Variants in ERBB2 observed in about 807,000 individuals in gnomAD.
The protein encoded by ERBB2 is erb-b2 receptor tyrosine kinase 2.
ERBB2 carries 61 observed loss-of-function variants against 149.0 expected under a neutral mutation model. The observed-to-expected ratio is 0.41, with a 90% CI of 0.33 to 0.51. ERBB2 has a LOEUF of 0.51. Among genes scored for constraint, ERBB2 ranks in the 20% least tolerant of loss-of-function variants. The pLI is 0.25. For missense variants in ERBB2, 1,205 were observed against 1,655.1 expected, an observed-to-expected ratio of 0.73 and a Z score of 4.72; for synonymous variants, 633 against 678.8, an observed-to-expected ratio of 0.93 and a Z score of 1.05.
In ERBB2 at chr17:39,725,398, T is replaced by C; in HGVS notation, c.2721T>C (p.Ser907=). 6.2e-7 allele frequency: 1 copy of C among 1,612,740 alleles called. No homozygotes were observed. The highest frequency in any genetic ancestry group is 1.3e-5 in the African/African-American group (1 of 74,588). ...RRFTHQSDVW[S]YGVTVWELMT... is the part of the protein sequence containing the mutation. ...TCACCCACCAGAGTGATGTGTGGAG[T>C]TATGGTGTGTGATGGGGGGTGTTGG... The change falls in exon 22 of 27, where the codon AGT becomes AGC. Residue 907 remains serine, a synonymous_variant. Transcript: ENST00000269571. The surrounding 1 kb of genome is among the most constrained non-coding windows in gnomAD (Gnocchi z 4.6).
rs1408729519 is a variant in ERBB2 at position 39,719,689 on chromosome 17, G to A, written c.1899-98G>A. The A allele has an allele frequency of 5.7e-6, 7 of 1,231,418 alleles. No homozygotes were observed. In the East Asian group the frequency reaches 1.2e-4, roughly 20 times the overall value. The allele number at this position is 1,231,418 out of a possible 1,614,324, so 76.3% of individuals were successfully genotyped here. A position where few individuals can be genotyped will look rare whatever the true frequency, so the allele number is the denominator to read the frequency against. On this transcript the variant is annotated intron_variant, in intron 15 of 26. Transcript: ENST00000269571. ...TCTGCCTTTGTCAAATGGGGATAAT[G>A]ACCCAGCCACACCCCTCCCAGGGTT...
chr17:39,716,085 G>A, intron 12 of ERBB2, 146 bp downstream of exon 12: 1 of 1,031,402 alleles, frequency 9.7e-7, no homozygotes, highest in Non-Finnish European at 1.4e-6. Flanking sequence ...GGCTGGCTTG[G>A]CCTCTTGGCA....
intron 1 of ERBB2, among the ~76,000 whole-genome samples, 164 bp downstream of exon 1, chr17:39,700,475 C>T (rs1195044359): frequency 1.3e-5 from 2 of 152,160 alleles, no homozygotes; most frequent in Non-Finnish European, 2.9e-5. Context: ...CTGGGGCCCT[C>T]GGGCGGGAGG....
chr17:39,720,409 A>G (rs1271009164), intron 16 of ERBB2: 1 of 154,702 alleles, frequency 6.5e-6, no homozygotes, highest in Non-Finnish European at 1.4e-5. Flanking sequence ...CCTGGATGCC[A>G]TAGGACCTGA....
upstream of ERBB2, among the ~76,000 whole-genome samples, chr17:39,695,701 G>GCACACA (rs1226871960): frequency 1.4e-4 from 6 of 41,812 alleles, no homozygotes; most frequent in African/African-American, 2.9e-4. Flanking sequence ...TTTGGTGCAT[G>GCACACA]CATACACACA....
At chr17:39,688,276 G>C (rs1182078060) in exon 1 of ERBB2, 1 of 358,224 alleles carries the variant, frequency 2.8e-6, no homozygotes, top group African/African-American at 2.1e-5. Flanking sequence ...GATCTTTTTT[G>C]AGGTAGGGCT....
At chr17:39,724,692 C>T (rs377173073) in intron 19 of ERBB2, 34 bp from the exon 20 acceptor site, 3 of 1,593,882 alleles carry the variant, frequency 1.9e-6, no homozygotes, top group Non-Finnish European at 2.6e-6. Context: ...GGTGTGTGGT[C>T]TCCCATACCC....
At chr17:39,709,936 A>T (rs2145495814) in intron 5 of ERBB2, 55 bp downstream of exon 5, 4 of 1,533,510 alleles carry the variant, frequency 2.6e-6, no homozygotes, top group Non-Finnish European at 3.6e-6. Context: ...GCCGGGTGGA[A>T]TGCAGGTGTC....
chr17:39,700,569 AAAG>A (rs2058040981), intron 1 of ERBB2, among the ~76,000 whole-genome samples: 3 of 152,202 alleles, frequency 2.0e-5, no homozygotes, highest in African/African-American at 7.2e-5. Context: ...GGAACTTGTC[AAAG>A]AAGTTCTCTG....
Position 39,726,927 on chromosome 17 carries a change from A to T in ERBB2, c.3083A>T (p.Gln1028Leu). The change falls in exon 25 of 27, where the codon CAG (glutamine) becomes CTG (leucine). Residue 1028 changes from glutamine to leucine, a missense_variant. Transcript: ENST00000269571. The surrounding 1 kb of genome is among the most constrained non-coding windows in gnomAD (Gnocchi z 5.1). Reference protein sequence around the residue: ...VDAEEYLVPQQGFFCPDPAPG... With the variant: ...VDAEEYLVPQLGFFCPDPAPG... ...GCTGAGGAGTATCTGGTACCCCAGC[A>T]GGGCTTCTTCTGTCCAGACCCTGCC... 6.2e-7 allele frequency: 1 copy of T among 1,613,906 alleles called. No individual in the cohort carries two copies. Among genetic ancestry groups the T allele is most frequent in the Non-Finnish European group, 8.5e-7 (1 of 1,179,970 alleles).
upstream of ERBB2, among the ~76,000 whole-genome samples, chr17:39,691,242 A>C (rs1176685025): frequency 1.3e-5 from 2 of 151,478 alleles, no homozygotes; most frequent in African/African-American, 4.9e-5. Flanking sequence ...GCCATAAACA[A>C]GTGTCAAACA....
chr17:39,700,377 GT>G, intron 1 of ERBB2, 66 bp downstream of exon 1: 1 of 1,225,812 alleles, frequency 8.2e-7, no homozygotes, highest in Non-Finnish European at 1.0e-6. Context: ...CCCCGCCGAG[GT>G]CCCGCGGCCG....
At chr17:39,716,888 TG>T in intron 14 of ERBB2, 1 of 504,136 alleles carries the variant, frequency 2.0e-6, no homozygotes, top group Non-Finnish European at 3.6e-6. Context: ...TCAGACTACC[TG>T]GATTCAGACC....
At chr17:39,715,169 G>T in intron 9 of ERBB2, 117 bp from the exon 10 acceptor site, 1 of 818,092 alleles carries the variant, frequency 1.2e-6, no homozygotes, top group Non-Finnish European at 2.0e-6. Flanking sequence ...AGCTGGGCTC[G>T]ATGGGCAAAG....
intron 10 of ERBB2, 24 bp downstream of exon 10, chr17:39,715,383 T>C (rs2059059293): frequency 6.2e-7 from 1 of 1,613,424 alleles, no homozygotes; most frequent in Non-Finnish European, 8.5e-7. Flanking sequence ...CTGCATCCTG[T>C]TCTGCAGGGG....
intron 1 of ERBB2, 197 bp from the exon 2 acceptor site, chr17:39,706,793 A>T (rs2058467991): frequency 2.3e-6 from 1 of 433,604 alleles, no homozygotes; most frequent in South Asian, 9.1e-5. Flanking sequence ...TTCCCCTGAA[A>T]TCCCTCTACT....
intron 12 of ERBB2, 78 bp from the exon 13 acceptor site, chr17:39,716,223 C>T (rs2145669495): frequency 6.8e-7 from 1 of 1,470,264 alleles, no homozygotes; most frequent in East Asian, 2.5e-5. Context: ...ACAGCCATGC[C>T]CACAGCCAGT....
intron 15 of ERBB2, among the ~76,000 whole-genome samples, chr17:39,717,872 A>C (rs762318067): frequency 4.9e-4 from 75 of 152,136 alleles, no homozygotes; most frequent in Non-Finnish European, 9.7e-4. Context: ...GGAGTGCAGT[A>C]GTACAATCTT....
Position 39,716,421 on chromosome 17 carries a change from G to A in ERBB2, c.1634G>A (p.Arg545Gln), listed in dbSNP as rs150203173. 8 of 1,609,704 alleles carry A rather than the reference G, an allele frequency of 5.0e-6. No individual in the cohort carries two copies. The highest frequency in any genetic ancestry group is 2.2e-5 in the East Asian group (1 of 44,744). ...LRGQECVEEC[R>Q]VLQGLPREYV... The stretch of plus-strand genomic sequence containing the variant: ...GGCCAGGAGTGCGTGGAGGAATGCC[G>A]AGTACTGCAGGGGTATGAGGGGCGG... Residue 545 changes from arginine to glutamine, a missense_variant, in exon 13 of 27, where the codon CGA (arginine) becomes CAA (glutamine). Transcript: ENST00000269571.
Sources: allele counts gnomAD v4.1 joint callset (sites outside exome capture counted in the v4.1 genomes callset), GRCh38; gene constraint gnomAD v4.1.1; non-coding constraint Gnocchi (gnomAD v3.1); transcripts MANE v1.5; gene names NCBI Gene and HGNC (gene_info 2026-07-23, HGNC 2026-07-21).